Variants in DLGAP1 observed in about 807,000 individuals in gnomAD.
DLGAP1 encodes the protein disks large-associated protein 1.
DLGAP1 carries 11 observed loss-of-function variants against 90.8 expected under a neutral mutation model. That is an observed-to-expected ratio of 0.12 (90% CI 0.08 to 0.20). DLGAP1 has a LOEUF of 0.20. Ranked by LOEUF, DLGAP1 falls within the 10% of genes least tolerant of loss-of-function variation. DLGAP1 has a pLI of 1.00. For missense variants in DLGAP1, 1,050 were observed against 1,333.8 expected, an observed-to-expected ratio of 0.79 and a Z score of 3.31; for synonymous variants, 558 against 540.7, an observed-to-expected ratio of 1.03 and a Z score of -0.44.
chr18:4,234,106 T>TC lies in DLGAP1; in HGVS notation c.-266-82820_-266-82819insG, dbSNP rs938016877. On this transcript the variant is annotated intron_variant, in intron 1 of 12. Transcript: ENST00000315677. ...CATGTAAAGTTTCTTTTTTGCTATT[T>TC]TTTTTTTTTTTTTAGTTTCTTGGAT... is the stretch of plus-strand genomic sequence containing the variant. Among the ~76,000 whole-genome samples the TC allele has an allele frequency of 1.4e-4, 21 of 150,950 alleles. 1 individual carries two copies. The highest frequency in any genetic ancestry group is 5.1e-4 in the African/African-American group (21 of 41,404).
At chr18:4,186,213 C>T (rs539333001) in intron 1 of DLGAP1, among the ~76,000 whole-genome samples, 2 of 152,052 alleles carry the variant, frequency 1.3e-5, no homozygotes, top group African/African-American at 4.8e-5. Flanking sequence ...AATATTTTCT[C>T]CCATTCTGTA....
chr18:4,195,201 C>T (rs1407602212), intron 1 of DLGAP1, among the ~76,000 whole-genome samples: 3 of 152,116 alleles, frequency 2.0e-5, no homozygotes, highest in African/African-American at 7.2e-5. Flanking sequence ...TGTCTCTGTG[C>T]ACTTGAAGCC....
intron 1 of DLGAP1, among the ~76,000 whole-genome samples, chr18:4,210,652 T>C (rs1336861513): frequency 2.0e-5 from 3 of 152,144 alleles, no homozygotes; most frequent in African/African-American, 7.2e-5. Flanking sequence ...TCTCGGAGAA[T>C]AGAAATGGCA....
In DLGAP1 at chr18:4,168,503, T is replaced by C. The variant is rs184161967; in HGVS notation, c.-266-17216A>G. Among the ~76,000 whole-genome samples the C allele has an allele frequency of 4.4e-3, 666 of 152,206 alleles. 2 individuals carry two copies. Among genetic ancestry groups the C allele is most frequent in the Admixed American group, 6.4e-3 (98 of 15,286 alleles). ...CCACCACTATCTATATTCACAGCTT[T>C]TTCACCTTCCCAAACTAAAACTTTA... On this transcript the variant is annotated intron_variant, in intron 1 of 12. Transcript: ENST00000315677.
chr18:3,780,482 C>T (rs931025119), intron 5 of DLGAP1, among the ~76,000 whole-genome samples: 3 of 151,916 alleles, frequency 2.0e-5, no homozygotes, highest in African/African-American at 7.3e-5. Context: ...TGGCCTCTTC[C>T]TCCATATGCA....
intron 3 of DLGAP1, among the ~76,000 whole-genome samples, chr18:3,884,395 G>A (rs1295278960): frequency 2.0e-5 from 3 of 152,152 alleles, no homozygotes; most frequent in African/African-American, 4.8e-5. Context: ...GTGGAATAAT[G>A]TTTCGAACTT....
chr18:4,153,833 G>T (rs1387932516), intron 1 of DLGAP1, among the ~76,000 whole-genome samples: 1 of 152,130 alleles, frequency 6.6e-6, no homozygotes, highest in Non-Finnish European at 1.5e-5. Flanking sequence ...TGTCAAAGGG[G>T]TCCTCGTTCC....
intron 3 of DLGAP1, among the ~76,000 whole-genome samples, chr18:3,901,992 C>G (rs926551806): frequency 1.3e-5 from 2 of 152,200 alleles, no homozygotes; most frequent in Non-Finnish European, 2.9e-5. Flanking sequence ...ACCAAGCTCT[C>G]AGAGAATAAA....
intron 2 of DLGAP1, among the ~76,000 whole-genome samples, chr18:4,111,142 T>C (rs954533758): frequency 2.0e-5 from 3 of 152,246 alleles, no homozygotes; most frequent in African/African-American, 7.2e-5. Context: ...TTTCGTCATA[T>C]ACTTTTTCTG....
At chr18:4,159,540 T>G (rs573254470) in intron 1 of DLGAP1, among the ~76,000 whole-genome samples, 40 of 152,290 alleles carry the variant, frequency 2.6e-4, no homozygotes, top group African/African-American at 9.4e-4. Context: ...CTTTTCCTAT[T>G]TATCTGTTTT....
At chr18:4,299,095 A>C (rs904497731) in intron 1 of DLGAP1, among the ~76,000 whole-genome samples, 25 of 151,530 alleles carry the variant, frequency 1.6e-4, no homozygotes, top group South Asian at 4.2e-4. Flanking sequence ...CAAAAAAAAA[A>C]AAAAAAAAAA....
intron 8 of DLGAP1, chr18:3,580,020 C>G: frequency 1.6e-6 from 1 of 630,172 alleles, no homozygotes; most frequent in Non-Finnish European, 2.8e-6. Flanking sequence ...ACTCTCTTTT[C>G]TAAAAATAGA....
chr18:3,729,503 T>G lies in DLGAP1; in HGVS notation c.1351-128A>C, dbSNP rs902001158. 16 of 1,282,274 alleles carry G rather than the reference T, an allele frequency of 1.2e-5. No homozygotes were observed. The highest frequency in any genetic ancestry group is 1.9e-4 in the Middle Eastern group (1 of 5,228). 79.4% of individuals were successfully genotyped at this position (1,282,274 alleles called of 1,614,324 possible). On this transcript the variant is annotated intron_variant, in intron 6 of 12. Coordinates refer to ENST00000315677, the MANE Select transcript of DLGAP1 (RefSeq NM_004746.4). This position sits in a 1 kb window ranked among gnomAD's most constrained non-coding sequence, Gnocchi z 6.2. The stretch of plus-strand genomic sequence containing the variant: ...TGGTTAGATTAAGCTCAAATGCATT[T>G]TATTTCCTTTCTGTTACAGGCTATA...
chr18:3,514,622 A>G (rs1216003301), intron 10 of DLGAP1, among the ~76,000 whole-genome samples: 2 of 152,252 alleles, frequency 1.3e-5, no homozygotes, highest in African/African-American at 2.4e-5. Context: ...ATAAATGAAT[A>G]TCACAATAAA....
intron 9 of DLGAP1, among the ~76,000 whole-genome samples, chr18:3,551,722 C>CCCTTCCTT (rs1156785378): frequency 0.011 from 134 of 12,526 alleles, 1 homozygote; most frequent in African/African-American, 0.017. Context: ...CTCCCTCCCT[C>CCCTTCCTT]CCTTCCTTCC....
chr18:3,649,021 A>T (rs1273616057), intron 7 of DLGAP1, among the ~76,000 whole-genome samples: 1 of 152,220 alleles, frequency 6.6e-6, no homozygotes, highest in African/African-American at 2.4e-5. Flanking sequence ...CAGTTCAAAG[A>T]TTTATGAAAA....
chr18:4,049,874 C>G (rs771985957), intron 2 of DLGAP1, among the ~76,000 whole-genome samples: 1 of 151,808 alleles, frequency 6.6e-6, no homozygotes. Context: ...ATTTATCCAT[C>G]TGTCTATTCA....
At chr18:4,396,075 T>A (rs2082433660) in intron 1 of DLGAP1, among the ~76,000 whole-genome samples, 1 of 151,986 alleles carries the variant, frequency 6.6e-6, no homozygotes, top group Admixed American at 6.5e-5. Context: ...AAAGCTAGAG[T>A]AATTGGCTGC....
At chr18:4,027,793 C>T (rs2074728459) in intron 2 of DLGAP1, among the ~76,000 whole-genome samples, 1 of 152,148 alleles carries the variant, frequency 6.6e-6, no homozygotes, top group African/African-American at 2.4e-5. Flanking sequence ...AAAAACACCT[C>T]AGATTATGGT....
Sources: allele counts gnomAD v4.1 joint callset (sites outside exome capture counted in the v4.1 genomes callset), GRCh38; gene constraint gnomAD v4.1.1; non-coding constraint Gnocchi (gnomAD v3.1); transcripts MANE v1.5; gene names NCBI Gene and HGNC (gene_info 2026-07-23, HGNC 2026-07-21).